NEGR1: variants seen among roughly 807,000 people sequenced by gnomAD.
NEGR1 encodes neuronal growth regulator 1.
In NEGR1, 10 loss-of-function variants were observed where a neutral mutation model predicts 40.9. That is an observed-to-expected ratio of 0.24 (90% CI 0.15 to 0.42). NEGR1 has a LOEUF of 0.42. NEGR1 is among the 10% of genes least tolerant of loss of function. The probability of loss-of-function intolerance (pLI) is 1.00; values close to 1 mark genes in which losing one functional copy is unlikely to be tolerated. For missense variants in NEGR1, 352 were observed against 438.9 expected (o/e 0.80, Z 1.77); for synonymous variants, 185 against 166.8 (o/e 1.11, Z -0.84).
intron 1 of NEGR1, among the ~76,000 whole-genome samples, chr1:71,960,368 C>T (rs1340012045): frequency 6.6e-6 from 1 of 152,012 alleles, no homozygotes; most frequent in Non-Finnish European, 1.5e-5. Context: ...GTTTTGTGTG[C>T]CTTGTTTTAT....
intron 6 of NEGR1, among the ~76,000 whole-genome samples, chr1:71,542,328 G>A (rs1396708163): frequency 6.6e-6 from 1 of 151,752 alleles, no homozygotes; most frequent in African/African-American, 2.4e-5. Flanking sequence ...GACAACACCA[G>A]AAGGGGAAGT....
chr1:72,219,247 A>G (rs1653930734), intron 1 of NEGR1, among the ~76,000 whole-genome samples: 1 of 152,088 alleles, frequency 6.6e-6, no homozygotes, highest in Non-Finnish European at 1.5e-5. Context: ...CAAAGCAAAT[A>G]AAATATATCT....
intron 6 of NEGR1, among the ~76,000 whole-genome samples, chr1:71,565,006 G>T (rs778024600): frequency 8.5e-5 from 13 of 152,054 alleles, no homozygotes; most frequent in Non-Finnish European, 1.5e-4. Context: ...GATATCATTA[G>T]GTAAGTACAC....
At chr1:72,155,103 G>C (rs1056464136) in intron 1 of NEGR1, among the ~76,000 whole-genome samples, 16 of 151,850 alleles carry the variant, frequency 1.1e-4, no homozygotes, top group African/African-American at 3.9e-4. Flanking sequence ...ATTTAAAACA[G>C]TTTCACGGTG....
chr1:71,826,338 C>A (rs1658623598), intron 2 of NEGR1, among the ~76,000 whole-genome samples: 1 of 151,870 alleles, frequency 6.6e-6, no homozygotes, highest in Admixed American at 6.6e-5. Flanking sequence ...ATAAAGTTTA[C>A]TTTTCTTACC....
At chr1:71,459,721 C>T (rs1646700589) in intron 6 of NEGR1, among the ~76,000 whole-genome samples, 2 of 152,210 alleles carry the variant, frequency 1.3e-5, no homozygotes, top group Admixed American at 6.5e-5. Context: ...TCAATCTGAA[C>T]ATCCAAATGA....
At chr1:71,873,072 G>A (rs1474031498) in intron 2 of NEGR1, among the ~76,000 whole-genome samples, 2 of 145,982 alleles carry the variant, frequency 1.4e-5, no homozygotes, top group African/African-American at 2.6e-5. Flanking sequence ...ACTGGAAAAC[G>A]GTAGAAATTG....
At chr1:71,523,927 AAT>A (rs1167774310) in intron 6 of NEGR1, among the ~76,000 whole-genome samples, 1 of 151,806 alleles carries the variant, frequency 6.6e-6, no homozygotes. Flanking sequence ...GAAAAGCAAA[AAT>A]TAGAGGGCTC....
intron 1 of NEGR1, among the ~76,000 whole-genome samples, chr1:72,191,057 T>C (rs1017675950): frequency 2.6e-5 from 4 of 151,634 alleles, no homozygotes; most frequent in Non-Finnish European, 1.5e-5. Flanking sequence ...GTTTTACTTA[T>C]AGTAAAGGTT....
chr1:71,898,092 G>A (rs1250539886), intron 2 of NEGR1, among the ~76,000 whole-genome samples: 1 of 152,058 alleles, frequency 6.6e-6, no homozygotes, highest in Non-Finnish European at 1.5e-5. Flanking sequence ...CATTATCTAG[G>A]AATTACTGCG....
At chr1:71,644,602 T>C (rs1020038362) in intron 4 of NEGR1, among the ~76,000 whole-genome samples, 7 of 151,978 alleles carry the variant, frequency 4.6e-5, no homozygotes, top group Admixed American at 4.6e-4. Context: ...ACATAGTTGT[T>C]GAATAAATAT....
intron 2 of NEGR1, among the ~76,000 whole-genome samples, chr1:71,797,355 A>C (rs1337459710): frequency 6.6e-6 from 1 of 152,134 alleles, no homozygotes; most frequent in Non-Finnish European, 1.5e-5. Flanking sequence ...GCTTGCTCAC[A>C]AGGATCTAAG....
chr1:71,887,224 T>C (rs948917511), intron 2 of NEGR1, among the ~76,000 whole-genome samples: 1 of 152,158 alleles, frequency 6.6e-6, no homozygotes, highest in African/African-American at 2.4e-5. Flanking sequence ...CATCTTGACG[T>C]TGAGTAGGCT....
intron 5 of NEGR1, among the ~76,000 whole-genome samples, chr1:71,609,478 G>GCACTCCA (rs996556320): frequency 8.9e-6 from 1 of 111,970 alleles, no homozygotes; most frequent in Non-Finnish European, 1.7e-5. Context: ...TCACGCCACT[G>GCACTCCA]CACTCCAGCC....
chr1:71,659,528 ATAGAG>A (rs1651984605), intron 4 of NEGR1, among the ~76,000 whole-genome samples: 2 of 152,186 alleles, frequency 1.3e-5, no homozygotes, highest in Admixed American at 6.5e-5. Context: ...GAAACTATCA[ATAGAG>A]TAAACAGCCA....
chr1:71,679,397 A>G (rs938416158), intron 4 of NEGR1, among the ~76,000 whole-genome samples: 1 of 152,120 alleles, frequency 6.6e-6, no homozygotes, highest in Non-Finnish European at 1.5e-5. Flanking sequence ...TTCATTTAAC[A>G]TCTCTTAAAT....
chr1:71,459,045 A>T (rs185754418), intron 6 of NEGR1, among the ~76,000 whole-genome samples: 5 of 151,964 alleles, frequency 3.3e-5, no homozygotes, highest in African/African-American at 9.7e-5. Context: ...AAATAAATAA[A>T]ATAATAAAAT....
In NEGR1 at chr1:72,080,254, A is replaced by G. The variant is rs1310994170; in HGVS notation, c.177-144943T>C. On this transcript the variant is annotated intron_variant, in intron 1 of 6. Transcript: ENST00000357731. ...TTCATATCATGTCATATTGAAAATA[A>G]TCTTGCATCTTTATAGGCTTATAGT... 2.0e-5 allele frequency among the ~76,000 whole-genome samples: 3 copies of G among 152,230 alleles called. No individual in the cohort carries two copies. The East Asian group carries it at 5.8e-4, about 29-fold the overall frequency.
intron 4 of NEGR1, among the ~76,000 whole-genome samples, chr1:71,656,791 G>A (rs1308714442): frequency 6.6e-6 from 1 of 152,186 alleles, no homozygotes; most frequent in African/African-American, 2.4e-5. Context: ...AGAATTTGGT[G>A]TTCTATATCT....
Sources: allele counts gnomAD v4.1 joint callset (sites outside exome capture counted in the v4.1 genomes callset), GRCh38; gene constraint gnomAD v4.1.1; transcripts MANE v1.5; gene names NCBI Gene and HGNC (gene_info 2026-07-23, HGNC 2026-07-21).